TCF12: variants seen among roughly 807,000 people sequenced by gnomAD.
TCF12 encodes transcription factor 12, also known as DNA-binding protein HTF4.
In TCF12, 45 loss-of-function variants were observed where a neutral mutation model predicts 86.0. That is an observed-to-expected ratio of 0.52 (90% CI 0.41 to 0.67). TCF12 has a LOEUF of 0.67. TCF12 is among the 30% of genes least tolerant of loss of function. The pLI is 0.00. For synonymous variants in TCF12, 330 were observed against 299.6 expected (o/e 1.10, Z -1.05); for missense variants, 881 against 859.9 (o/e 1.02, Z -0.31).
At chr15:57,156,657 A>G (rs759713988) in intron 5 of TCF12, among the ~76,000 whole-genome samples, 3 of 152,202 alleles carry the variant, frequency 2.0e-5, no homozygotes, top group Non-Finnish European at 4.4e-5. Context: ...TTGGAGTAGA[A>G]TCTGTCCCTG....
At chr15:57,149,403 T>C (rs2053587786) in intron 5 of TCF12, among the ~76,000 whole-genome samples, 1 of 152,212 alleles carries the variant, frequency 6.6e-6, no homozygotes, top group South Asian at 2.1e-4. Context: ...ACTGAAATGA[T>C]GAGAAAGAAC....
chr15:57,187,084 G>T (rs1317975198), intron 6 of TCF12, among the ~76,000 whole-genome samples: 2 of 151,920 alleles, frequency 1.3e-5, no homozygotes, highest in Non-Finnish European at 2.9e-5. Flanking sequence ...GGAGGCCAAG[G>T]CACAAGAATT....
chr15:56,918,227 T>G, upstream of TCF12: 1 of 456,284 alleles, frequency 2.2e-6, no homozygotes, highest in East Asian at 6.9e-5. Context: ...CAGCCTTCAG[T>G]GTCCTGCGGC....
At chr15:57,203,606 T>C (rs1224899704) in intron 8 of TCF12, among the ~76,000 whole-genome samples, 4 of 152,248 alleles carry the variant, frequency 2.6e-5, no homozygotes, top group African/African-American at 9.6e-5. Context: ...GTTTTGAATG[T>C]AACTTGTTTG....
At chr15:57,246,542 T>A (rs1566978711) in intron 13 of TCF12, among the ~76,000 whole-genome samples, 2 of 151,350 alleles carry the variant, frequency 1.3e-5, no homozygotes. Flanking sequence ...CATGCAGACA[T>A]ATCTCCAGTA....
chr15:57,122,112 A>C (rs1275877051), intron 5 of TCF12, among the ~76,000 whole-genome samples: 1 of 150,212 alleles, frequency 6.7e-6, no homozygotes, highest in East Asian at 1.9e-4. Flanking sequence ...AAAAAAAAAA[A>C]AACCACCCCC....
At chr15:57,251,786 C>A (rs1428195664) in intron 14 of TCF12, among the ~76,000 whole-genome samples, 1 of 151,882 alleles carries the variant, frequency 6.6e-6, no homozygotes, top group Admixed American at 6.6e-5. Context: ...AAAATTTTAC[C>A]CTTTTGTATT....
chr15:57,266,824 G>T (rs2060890953), intron 18 of TCF12, among the ~76,000 whole-genome samples: 1 of 152,070 alleles, frequency 6.6e-6, no homozygotes, highest in South Asian at 2.1e-4. Flanking sequence ...ATCTCTTGAG[G>T]CCAGAAGTTC....
intron 8 of TCF12, among the ~76,000 whole-genome samples, chr15:57,212,197 A>T (rs1169208316): frequency 6.6e-6 from 1 of 152,230 alleles, no homozygotes; most frequent in East Asian, 1.9e-4. Flanking sequence ...TCAACTCAGT[A>T]TGGCAATGCT....
intron 5 of TCF12, among the ~76,000 whole-genome samples, chr15:57,118,760 T>C (rs1225831926): frequency 6.6e-6 from 1 of 152,202 alleles, no homozygotes; most frequent in Non-Finnish European, 1.5e-5. Context: ...GTTTAACCAG[T>C]GTAAAGGCAA....
intron 13 of TCF12, 83 bp downstream of exon 13, chr15:57,243,633 T>C (rs770453387): frequency 2.8e-5 from 35 of 1,234,762 alleles, no homozygotes; most frequent in Admixed American, 4.2e-5. Flanking sequence ...CAAACTTTAA[T>C]AAAAATTTGT....
intron 5 of TCF12, among the ~76,000 whole-genome samples, chr15:57,110,700 GGGCTGGCCCTA>G (rs2050429836): frequency 6.6e-6 from 1 of 152,076 alleles, no homozygotes; most frequent in African/African-American, 2.4e-5. Context: ...CAGGTTGCTT[GGGCTGGCCCTA>G]GATAGAATGG....
In TCF12 at chr15:57,262,127, A is replaced by G. The variant is rs1470627114; in HGVS notation, c.1501A>G (p.Asn501Asp). The G allele has an allele frequency of 1.9e-6, 3 of 1,613,452 alleles. No individual in the cohort carries two copies. Among genetic ancestry groups the G allele is most frequent in the Non-Finnish European group, 2.5e-6 (3 of 1,179,690 alleles). ...GTHREDSVSL[N>D]GNHSVLSSTV... is the part of the protein sequence containing the mutation. ...TCATCGGGAAGACTCTGTCAGTCTC[A>G]ATGGCAATCATTCAGTCCTGTCTAG... Residue 501 changes from asparagine (N) to aspartate (D), a missense_variant, in exon 17 of 21, where the codon AAT becomes GAT. Asn to Asp is a conservative substitution (Grantham distance 23). Transcript: ENST00000333725.
intron 4 of TCF12, among the ~76,000 whole-genome samples, chr15:57,078,672 T>TA (rs2070356435): frequency 6.6e-6 from 1 of 151,946 alleles, no homozygotes; most frequent in Non-Finnish European, 1.5e-5. Context: ...AAAAGATAGG[T>TA]AAAAAAATAA....
chr15:57,273,002 T>C, intron 18 of TCF12, 28 bp from the exon 19 acceptor site: 1 of 1,602,122 alleles, frequency 6.2e-7, no homozygotes, highest in Non-Finnish European at 8.5e-7. Flanking sequence ...GGAAACCTAA[T>C]AGACCTTGTT....
At chr15:57,077,419 G>T (rs2070208731) in intron 4 of TCF12, among the ~76,000 whole-genome samples, 1 of 144,354 alleles carries the variant, frequency 6.9e-6, no homozygotes, top group African/African-American at 2.6e-5. Context: ...CTGGCGCCCA[G>T]GCTGGAGTGC....
intron 3 of TCF12, among the ~76,000 whole-genome samples, chr15:57,036,150 C>G (rs568935021): frequency 6.6e-6 from 1 of 150,966 alleles, no homozygotes; most frequent in Non-Finnish European, 1.5e-5. Flanking sequence ...AGATTTTGAA[C>G]GGTGGCTGTT....
At chr15:56,964,633 A>G (rs1222724033) in intron 3 of TCF12, among the ~76,000 whole-genome samples, 7 of 152,206 alleles carry the variant, frequency 4.6e-5, no homozygotes, top group Non-Finnish European at 8.8e-5. Context: ...CTTGATTAAC[A>G]TTTATGTATT....
chr15:57,206,453 A>G (rs1401112892), intron 8 of TCF12, among the ~76,000 whole-genome samples: 10 of 152,186 alleles, frequency 6.6e-5, no homozygotes, highest in Admixed American at 6.5e-4. Flanking sequence ...AAGTTTGCCA[A>G]CCTGCACTAG....
Sources: allele counts gnomAD v4.1 joint callset (sites outside exome capture counted in the v4.1 genomes callset), GRCh38; gene constraint gnomAD v4.1.1; transcripts MANE v1.5; gene names NCBI Gene and HGNC (gene_info 2026-07-23, HGNC 2026-07-21).